The following SCARB2 variants were observed in gnomAD, a reference collection of about 807,000 sequenced individuals.
SCARB2 encodes the protein scavenger receptor class B member 2, also known as lysosome membrane protein 2.
A neutral mutation model predicts 58.6 loss-of-function variants in SCARB2; 29 were observed. The ratio of observed to expected loss-of-function variants is 0.49; its 90% CI spans 0.37 to 0.67. SCARB2 has a LOEUF of 0.67. Ranked by LOEUF, SCARB2 falls within the 30% of genes least tolerant of loss-of-function variation. The pLI, the probability that SCARB2 is intolerant of heterozygous loss-of-function variation, is 0.00. For synonymous variants in SCARB2, 195 were observed against 210.1 expected (o/e 0.93, Z 0.62); for missense variants, 488 against 578.5 (o/e 0.84, Z 1.60).
At chr4:76,176,198 A>G in intron 5 of SCARB2, 5 of 602,222 alleles carry the variant, frequency 8.3e-6, no homozygotes, top group Non-Finnish European at 1.5e-5. Flanking sequence ...CAAGAGTGGG[A>G]CTTTTCACTG....
At chr4:76,167,668 TCCCTCC>T (rs1732037233) in intron 9 of SCARB2, among the ~76,000 whole-genome samples, 1 of 24,476 alleles carries the variant, frequency 4.1e-5, no homozygotes, top group Admixed American at 3.8e-4. Flanking sequence ...TTTCCCTCCC[TCCCTCC>T]CCCCCCCCGC....
chr4:76,193,651 C>T (rs2109959241), intron 2 of SCARB2: 1 of 152,320 alleles, frequency 6.6e-6, no homozygotes, highest in African/African-American at 2.4e-5. Flanking sequence ...TAGCCCCTTT[C>T]TTATGGCCAA....
intron 5 of SCARB2, 69 bp downstream of exon 5, chr4:76,176,368 T>C (rs1047625233): frequency 2.0e-5 from 21 of 1,059,950 alleles, no homozygotes; most frequent in Non-Finnish European, 2.0e-5. Flanking sequence ...TTTTAAGCAA[T>C]GTAGAAGTAG....
chr4:76,167,097 T>C (rs1276840408), intron 9 of SCARB2, among the ~76,000 whole-genome samples: 1 of 152,154 alleles, frequency 6.6e-6, no homozygotes, highest in African/African-American at 2.4e-5. Context: ...CATTGAAAAG[T>C]CTGAGCAGGA....
At chr4:76,191,044 T>G (rs1479851114) in intron 2 of SCARB2, among the ~76,000 whole-genome samples, 2 of 152,024 alleles carry the variant, frequency 1.3e-5, no homozygotes, top group East Asian at 3.9e-4. Context: ...GTTTGCAGAG[T>G]CTCCATCACA....
intron 8 of SCARB2, among the ~76,000 whole-genome samples, chr4:76,168,818 A>T (rs1732067389): frequency 6.6e-6 from 1 of 152,248 alleles, no homozygotes; most frequent in Non-Finnish European, 1.5e-5. Context: ...TCCAACAGGA[A>T]GGAGGCCTAA....
At chr4:76,184,785 CA>C (rs35947779) in intron 2 of SCARB2, 85,134 of 314,096 alleles carry the variant, frequency 0.27, 7,323 homozygotes, top group African/African-American at 0.47. Context: ...TTGTCTCTAC[CA>C]AAAAAAAAAA....
At chr4:76,175,465 C>T (rs925236924) in intron 6 of SCARB2, 9 of 357,526 alleles carry the variant, frequency 2.5e-5, no homozygotes, top group African/African-American at 1.3e-4. Context: ...CTAATACTAA[C>T]TCATTTGTCC....
intron 1 of SCARB2, among the ~76,000 whole-genome samples, chr4:76,196,741 G>C (rs1457979709): frequency 6.6e-6 from 1 of 152,152 alleles, no homozygotes; most frequent in African/African-American, 2.4e-5. Flanking sequence ...TCAAAAACCA[G>C]GAGGCCTAGC....
intron 1 of SCARB2, among the ~76,000 whole-genome samples, chr4:76,202,163 T>A (rs1231868293): frequency 2.0e-5 from 3 of 152,264 alleles, no homozygotes; most frequent in Non-Finnish European, 4.4e-5. Context: ...AAGTAGCAGA[T>A]AACATTACTA....
At position 76,163,436 on chromosome 4, in the gene SCARB2, T is replaced by C. The variant is rs35583533; in HGVS notation, c.1240-53A>G. 0.078 allele frequency: 124,060 copies of C among 1,598,052 alleles called. 6,812 individuals are homozygous for C. The highest frequency in any genetic ancestry group is 0.23 in the East Asian group (10,214 of 44,816). ...GATGACTAAACATCCAGTGTGTAAC[T>C]GTTTTTTGCTATATCTTTCCTTTGT... On this transcript the variant is annotated intron_variant, in intron 10 of 11. Coordinates refer to ENST00000264896, the MANE Select transcript of SCARB2 (RefSeq NM_005506.4).
At chr4:76,192,532 C>G (rs1732627405) in intron 2 of SCARB2, 1 of 152,146 alleles carries the variant, frequency 6.6e-6, no homozygotes. Context: ...AGCCTACACT[C>G]AGATGTGGGA....
chr4:76,188,163 G>A (rs1301565274), intron 2 of SCARB2, among the ~76,000 whole-genome samples: 1 of 151,998 alleles, frequency 6.6e-6, no homozygotes, highest in Non-Finnish European at 1.5e-5. Context: ...AATAGAAAAA[G>A]GTATCTGACA....
chr4:76,166,427 T>C (rs1732010567), intron 9 of SCARB2, 126 bp from the exon 10 acceptor site: 1 of 1,012,396 alleles, frequency 9.9e-7, no homozygotes, highest in South Asian at 1.3e-5. Flanking sequence ...AATTTGCTGA[T>C]TTCTTAGTTA....
chr4:76,179,412 T>C, intron 4 of SCARB2, 105 bp downstream of exon 4: 3 of 874,618 alleles, frequency 3.4e-6, no homozygotes, highest in East Asian at 2.5e-5. Flanking sequence ...TAAGATAACT[T>C]AACTCTAGGC....
chr4:76,198,841 AGTGTGTGTGTGTGT>A (rs10545527), intron 1 of SCARB2, among the ~76,000 whole-genome samples: 20 of 141,114 alleles, frequency 1.4e-4, no homozygotes, highest in African/African-American at 5.1e-4. Flanking sequence ...AGAGTGAGTG[AGTGTGTGTGTGTGT>A]GTGTGTGTGT....
intron 1 of SCARB2, among the ~76,000 whole-genome samples, chr4:76,199,789 C>T (rs1256842528): frequency 3.3e-5 from 5 of 152,158 alleles, no homozygotes; most frequent in Non-Finnish European, 7.3e-5. Context: ...AAGGAGCCCA[C>T]AGGTGAGGAA....
At chr4:76,190,871 C>T (rs1214948140) in intron 2 of SCARB2, among the ~76,000 whole-genome samples, 1 of 152,218 alleles carries the variant, frequency 6.6e-6, no homozygotes, top group African/African-American at 2.4e-5. Context: ...CCACTAGACA[C>T]ATGTGGCTAT....
intron 7 of SCARB2, chr4:76,173,740 T>C (rs1732183411): frequency 3.8e-6 from 1 of 264,970 alleles, no homozygotes; most frequent in South Asian, 4.5e-5. Flanking sequence ...ATCAGGTGCT[T>C]AGTAAACATG....
Sources: gnomAD v4.1 joint callset for allele counts (sites outside exome capture counted in the v4.1 genomes callset) on GRCh38, gnomAD v4.1.1 for gene constraint, MANE v1.5 for transcripts, NCBI Gene and HGNC (gene_info 2026-07-23, HGNC 2026-07-21) for gene names.